CNTN2: variants seen among roughly 807,000 people sequenced by gnomAD.
CNTN2 encodes contactin-2.
CNTN2 carries 53 observed loss-of-function variants against 117.5 expected under a neutral mutation model. The ratio of observed to expected loss-of-function variants is 0.45; its 90% CI spans 0.36 to 0.57. The LOEUF (loss-of-function observed/expected upper bound fraction) is 0.57, where lower values mean the gene tolerates loss of function less well. CNTN2 is among the 20% of genes least tolerant of loss of function. CNTN2 has a pLI of 0.00. For synonymous variants in CNTN2, 530 were observed against 561.7 expected (o/e 0.94, Z 0.80); for missense variants, 1,106 against 1,404.3 (o/e 0.79, Z 3.39).
intron 10 of CNTN2, 74 bp downstream of exon 10, chr1:205,062,643 G>A (rs955594502): frequency 1.0e-5 from 16 of 1,524,028 alleles, no homozygotes; most frequent in Non-Finnish European, 1.2e-5. Context: ...GAGTTTAGGT[G>A]TTTCCAAACA....
rs1307443171 is a variant in CNTN2, at chr1:205,073,725, C to G, written c.3083C>G (p.Ser1028Cys). 3 of 1,614,066 alleles carry G rather than the reference C, an allele frequency of 1.9e-6. No homozygotes were observed. The highest frequency in any genetic ancestry group is 2.5e-6 in the Non-Finnish European group (3 of 1,180,028). Residue 1028 changes from serine (S) to cysteine (C), a missense_variant, in exon 23 of 23, where the codon TCC (serine) becomes TGC (cysteine). Ser to Cys is a moderately radical substitution (Grantham distance 112). Coordinates refer to ENST00000331830, the MANE Select transcript of CNTN2 (RefSeq NM_005076.5). This position sits in a 1 kb window ranked among gnomAD's most constrained non-coding sequence, Gnocchi z 6.3. The stretch of plus-strand genomic sequence containing the variant: ...CACCCTGGCACCGTCATTTCCCACT[C>G]CGTGGCGATGCTGATCCTCATAGGC... ...APHPGTVISH[S>C]VAMLILIGSL...
At chr1:205,051,670 TC>T (rs1485579542) in intron 1 of CNTN2, among the ~76,000 whole-genome samples, 3 of 152,196 alleles carry the variant, frequency 2.0e-5, no homozygotes, top group African/African-American at 7.2e-5. Context: ...GCCATATCCT[TC>T]CTGACGGGCC....
intron 17 of CNTN2, 59 bp from the exon 18 acceptor site, chr1:205,069,768 G>A: frequency 6.4e-7 from 1 of 1,562,660 alleles, no homozygotes. Flanking sequence ...GGTGGGGCCA[G>A]GGAACGGGCA....
intron 10 of CNTN2, among the ~76,000 whole-genome samples, chr1:205,063,861 C>A (rs1414418170): frequency 6.6e-6 from 1 of 150,714 alleles, no homozygotes; most frequent in Non-Finnish European, 1.5e-5. Flanking sequence ...AAGTGCAAAG[C>A]TCTGGAGGCA....
chr1:205,070,722 C>T (rs1654550240), intron 19 of CNTN2, 184 bp downstream of exon 19: 6 of 500,854 alleles, frequency 1.2e-5, no homozygotes, highest in Admixed American at 3.2e-5. Context: ...GCAGGCCAGG[C>T]GCGGTGGCTC....
At chr1:205,060,617 G>A (rs1243809245) in intron 7 of CNTN2, 6 of 151,712 alleles carry the variant, frequency 4.0e-5, no homozygotes, top group African/African-American at 1.5e-4. Flanking sequence ...TCGGGAGGCT[G>A]AGGCAGGAGA....
Position 205,058,056 on chromosome 1 carries a change from C to G in CNTN2, c.206C>G (p.Ala69Gly), listed in dbSNP as rs1274193081. Residue 69 changes from alanine (A) to glycine (G), a missense_variant, in exon 3 of 23, where the codon GCC (alanine) becomes GGC (glycine). By Grantham distance (60) the Ala-to-Gly change is moderately conservative. Coordinates refer to ENST00000331830, the MANE Select transcript of CNTN2 (RefSeq NM_005076.5). The surrounding 1 kb of genome is among the most constrained non-coding windows in gnomAD (Gnocchi z 4.3). ...TGCCGCGCCCGGGCCAGCCCTCCAG[C>G]CACCTATCGGTAAGGCCTCTGCAGT... Reference protein sequence around the residue: ...LACRARASPPATYRWKMNGTE... With the variant: ...LACRARASPPGTYRWKMNGTE... The G allele has an allele frequency of 6.2e-7, 1 of 1,613,556 alleles. No homozygotes were observed. The highest frequency in any genetic ancestry group is 1.1e-5 in the South Asian group (1 of 91,040).
chr1:205,061,033 G>C lies in CNTN2; in HGVS notation c.798-212G>C. ...AGGGTTGTTGCAGGGGGGATGGGTAGAGCAGCCCTGCCTCTTGCCCCTTCC... is the reference window on the plus strand; with the variant it reads ...AGGGTTGTTGCAGGGGGGATGGGTACAGCAGCCCTGCCTCTTGCCCCTTCC... On this transcript the variant is annotated intron_variant, in intron 7 of 22. Transcript: ENST00000331830. The surrounding 1 kb of genome is among the most constrained non-coding windows in gnomAD (Gnocchi z 4.8). 1 of 552,978 alleles carries C rather than the reference G, an allele frequency of 1.8e-6. No individual in the cohort carries two copies. Among genetic ancestry groups the C allele is most frequent in the South Asian group, 2.4e-5 (1 of 41,942 alleles). The allele number at this position is 552,978 out of a possible 1,614,324, so 34.3% of individuals were successfully genotyped here. A position where few individuals can be genotyped will look rare whatever the true frequency, so the allele number is the denominator to read the frequency against.
chr1:205,059,836 C>T lies in CNTN2; in HGVS notation c.797+154C>T. On this transcript the variant is annotated intron_variant, in intron 7 of 22. Transcript: ENST00000331830. The surrounding 1 kb of genome is among the most constrained non-coding windows in gnomAD (Gnocchi z 5.6). ...CACAGTGGGTATCGACCACCACTCA[C>T]TGGACAGTACCTCTCTGGGTGAGGC... The T allele has an allele frequency of 1.6e-6, 1 of 631,322 alleles. No homozygotes were observed. Among genetic ancestry groups the T allele is most frequent in the Non-Finnish European group, 2.8e-6 (1 of 352,642 alleles). 39.1% of individuals were successfully genotyped at this position (631,322 alleles called of 1,614,324 possible). A position where few individuals can be genotyped will look rare whatever the true frequency, so the allele number is the denominator to read the frequency against.
rs760905192 is a variant in CNTN2 at position 205,065,169 on chromosome 1, C to T, written c.1602C>T (p.His534=). 8.6e-5 allele frequency: 138 copies of T among 1,614,026 alleles called. No individual in the cohort carries two copies. Among genetic ancestry groups the T allele is most frequent in the Admixed American group, 1.5e-4 (9 of 60,014 alleles). The change falls in exon 13 of 23, where the codon CAC becomes CAT. Residue 534 remains histidine, a synonymous_variant. Transcript: ENST00000331830. The surrounding 1 kb of genome is among the most constrained non-coding windows in gnomAD (Gnocchi z 4.1). ...DNLTLQCHAS[H]DPTMDLTFTW... ...TGACCCTACAGTGCCATGCCTCCCA[C>T]GACCCCACCATGGACCTCACCTTCA...
chr1:205,049,280 C>CAACA lies in CNTN2; in HGVS notation c.-86-3820_-86-3819insAACA, dbSNP rs1558534753. 2.4e-3 allele frequency among the ~76,000 whole-genome samples: 294 copies of CAACA among 120,790 alleles called. 2 individuals are homozygous for CAACA. Among genetic ancestry groups the CAACA allele is most frequent in the African/African-American group, 6.2e-3 (189 of 30,418 alleles). 79.2% of individuals were successfully genotyped at this position (120,790 alleles called of 152,430 possible). On this transcript the variant is annotated intron_variant, in intron 1 of 22. Transcript: ENST00000331830. ...AGGCAAGGGGCTGAGTCCTCACACCCGACACACACACACACACACACACAC... is the reference window on the plus strand; with the variant it reads ...AGGCAAGGGGCTGAGTCCTCACACCCAACAGACACACACACACACACACACACAC...
Position 205,059,214 on chromosome 1 carries a change from C to G in CNTN2, c.618C>G (p.Ser206=), listed in dbSNP as rs1653833334. The G allele has an allele frequency of 6.2e-7, 1 of 1,614,238 alleles. No individual in the cohort carries two copies. The highest frequency in any genetic ancestry group is 1.3e-5 in the African/African-American group (1 of 75,070). Residue 206 remains serine (S), a synonymous_variant, in exon 6 of 23, where the codon TCC becomes TCG. Transcript: ENST00000331830. The surrounding 1 kb of genome is among the most constrained non-coding windows in gnomAD (Gnocchi z 5.6). ...ATGCCTCAGACCTGGGCAACTACTCCTGTTTGGCCACCAGCCACATGGACT... is the reference window on the plus strand; with the variant it reads ...ATGCCTCAGACCTGGGCAACTACTCGTGTTTGGCCACCAGCCACATGGACT... ...RTNASDLGNY[S]CLATSHMDFS...
chr1:205,072,042 C>A lies in CNTN2; in HGVS notation c.2640C>A (p.Pro880=). Residue 880 remains proline, a synonymous_variant, in exon 20 of 23, where the codon CCC becomes CCA. Coordinates refer to ENST00000331830, the MANE Select transcript of CNTN2 (RefSeq NM_005076.5). The part of the protein sequence containing the change: ...DTSARVSGLH[P]NTKYHVTVRA... ...GTGCCCGAGTCAGCGGCCTGCATCC[C>A]AACACCAAGTACCATGTGACCGTGA... 6.2e-7 allele frequency: 1 copy of A among 1,614,146 alleles called. No individual in the cohort carries two copies. Among genetic ancestry groups the A allele is most frequent in the Non-Finnish European group, 8.5e-7 (1 of 1,180,014 alleles).
chr1:205,061,781 C>A lies in CNTN2; in HGVS notation c.974-84C>A. 3 of 1,464,320 alleles carry A rather than the reference C, an allele frequency of 2.0e-6. No individual in the cohort carries two copies. The highest frequency in any genetic ancestry group is 2.7e-6 in the Non-Finnish European group (3 of 1,099,582). The allele number at this position is 1,464,320 out of a possible 1,614,324, so 90.7% of individuals were successfully genotyped here. On this transcript the variant is annotated intron_variant, in intron 8 of 22. Coordinates refer to ENST00000331830, the MANE Select transcript of CNTN2 (RefSeq NM_005076.5). The surrounding 1 kb of genome is among the most constrained non-coding windows in gnomAD (Gnocchi z 4.8). ...CGCCCTCTGCTGTCTGGCACAGGTG[C>A]TGCTGCCCTGATTTTCTGTTCCTTT...
chr1:205,058,594 C>T lies in CNTN2; in HGVS notation c.418C>T (p.Arg140Ter), dbSNP rs779892361. Residue 140 changes from arginine to a stop codon, truncating the protein, a stop_gained, in exon 5 of 23, where the codon CGA becomes TGA. Transcript: ENST00000331830. LOFTEE classifies it high-confidence loss of function. The surrounding 1 kb of genome is among the most constrained non-coding windows in gnomAD (Gnocchi z 4.3). Reference sequence around the variant, plus strand: ...TCTGCAGGAATTCTCCAAGGAGGAGCGAGACCCAGTGAAAGCTCATGAAGG... The same window carrying T: ...TCTGCAGGAATTCTCCAAGGAGGAGTGAGACCCAGTGAAAGCTCATGAAGG... ...GFLQEFSKEE[R>*]DPVKAHEGWG... The T allele has an allele frequency of 2.5e-6, 4 of 1,613,768 alleles. No homozygotes were observed. Among genetic ancestry groups the T allele is most frequent in the Admixed American group, 3.3e-5 (2 of 60,004 alleles).
At chr1:205,045,966 A>G (rs978199686) in intron 1 of CNTN2, among the ~76,000 whole-genome samples, 2 of 152,166 alleles carry the variant, frequency 1.3e-5, no homozygotes, top group Non-Finnish European at 2.9e-5. Flanking sequence ...TAAAAGGTGG[A>G]TGTGACTCAG....
At chr1:205,066,629 T>C (rs1274099102) in intron 15 of CNTN2, 30 bp downstream of exon 15, 1 of 1,610,662 alleles carries the variant, frequency 6.2e-7, no homozygotes, top group Non-Finnish European at 8.5e-7. Flanking sequence ...GGGTCAGTGC[T>C]GATAAGGCTC....
rs200630793 is a variant in CNTN2 at position 205,062,587 on chromosome 1, G to T, written c.1240+18G>T. 32 of 1,606,302 alleles carry T rather than the reference G, an allele frequency of 2.0e-5. No individual in the cohort carries two copies. The highest frequency in any genetic ancestry group is 3.3e-4 in the Middle Eastern group (2 of 6,034). On this transcript the variant is annotated intron_variant, in intron 10 of 22. Transcript: ENST00000331830. Reference sequence around the variant, plus strand: ...CGTGCAAGGTAAGGGGCCCAGGGAGGCAGGGGACATCCCAAGGACATGCAT... The same window carrying T: ...CGTGCAAGGTAAGGGGCCCAGGGAGTCAGGGGACATCCCAAGGACATGCAT...
At chr1:205,055,274 A>G (rs537234090) in intron 2 of CNTN2, among the ~76,000 whole-genome samples, 17 of 152,228 alleles carry the variant, frequency 1.1e-4, no homozygotes, top group Admixed American at 8.5e-4. Context: ...TCCGCCTCTC[A>G]AAGTGCTGGG....
Sources: allele counts gnomAD v4.1 joint callset (sites outside exome capture counted in the v4.1 genomes callset), GRCh38; gene constraint gnomAD v4.1.1; non-coding constraint Gnocchi (gnomAD v3.1); transcripts MANE v1.5; gene names NCBI Gene and HGNC (gene_info 2026-07-23, HGNC 2026-07-21).